SCLT1: variants seen among roughly 807,000 people sequenced by gnomAD.
The protein encoded by SCLT1 is sodium channel and clathrin linker 1, also known as sodium channel-associated protein 1.
In SCLT1, 78 loss-of-function variants were observed where a neutral mutation model predicts 112.8. The observed-to-expected ratio is 0.69, with a 90% CI of 0.58 to 0.83. The LOEUF is 0.83. Among genes scored for constraint, SCLT1 ranks in the 40% least tolerant of loss-of-function variants. SCLT1 has a pLI of 0.00. For missense variants in SCLT1, 747 were observed against 770.4 expected (o/e 0.97, Z 0.36); for synonymous variants, 257 against 254.7 (o/e 1.01, Z -0.09).
At position 128,994,073 on chromosome 4, in the gene SCLT1, T is replaced by C. The variant is rs1742802651; in HGVS notation, c.616-1836A>G. Among the ~76,000 whole-genome samples, 4 of 152,226 alleles carry C rather than the reference T, an allele frequency of 2.6e-5. No individual in the cohort carries two copies. The South Asian group carries it at 8.3e-4, about 32-fold the overall frequency. On this transcript the variant is annotated intron_variant, in intron 8 of 20. Coordinates refer to ENST00000281142, the MANE Select transcript of SCLT1 (RefSeq NM_144643.4). ...TATGCACTTTTAAAACATGTTTAAG[T>C]GTACAATACGTTATTGCTGACTACA...
rs1019360338 is a variant in SCLT1, at chr4:129,082,223, A to C, written c.102+83T>G. Reference sequence around the variant, plus strand: ...AAAAACAAGCTTTCCCATTACAGGAATCAAAGTTGTAAGCCAAGTTTCAAA... The same window carrying C: ...AAAAACAAGCTTTCCCATTACAGGACTCAAAGTTGTAAGCCAAGTTTCAAA... On this transcript the variant is annotated intron_variant, in intron 2 of 20. Transcript: ENST00000281142. 7.1e-6 allele frequency: 4 copies of C among 562,582 alleles called. No individual in the cohort carries two copies. In the African/African-American group the frequency reaches 7.7e-5, roughly 11 times the overall value. 34.8% of individuals were successfully genotyped at this position (562,582 alleles called of 1,614,324 possible). A position where few individuals can be genotyped will look rare whatever the true frequency, so the allele number is the denominator to read the frequency against.
chr4:128,903,951 T>C (rs17414831), intron 18 of SCLT1, among the ~76,000 whole-genome samples: 16,144 of 152,226 alleles, frequency 0.11, 1,182 homozygotes, highest in Non-Finnish European at 0.16. Context: ...TTCACAGTGG[T>C]ATTACAGTTG....
At chr4:129,013,181 C>T (rs1315370998) in intron 5 of SCLT1, among the ~76,000 whole-genome samples, 4 of 152,068 alleles carry the variant, frequency 2.6e-5, no homozygotes, top group Non-Finnish European at 5.9e-5. Flanking sequence ...CTGTTGTTTC[C>T]CTCTTTGTGC....
chr4:128,877,680 CAAA>C (rs1005523185), intron 3 of SCLT1, among the ~76,000 whole-genome samples: 10 of 128,058 alleles, frequency 7.8e-5, no homozygotes, highest in Non-Finnish European at 1.3e-4. Flanking sequence ...GACTCGGTCT[CAAA>C]AAAAAAAAAA....
chr4:128,905,828 A>C (rs1734648981), intron 18 of SCLT1, among the ~76,000 whole-genome samples: 1 of 151,940 alleles, frequency 6.6e-6, no homozygotes, highest in African/African-American at 2.4e-5. Context: ...TTTCTAAAAT[A>C]ATCTAGCTCT....
intron 2 of SCLT1, among the ~76,000 whole-genome samples, chr4:129,061,463 C>A (rs1749967534): frequency 6.6e-6 from 1 of 152,098 alleles, no homozygotes; most frequent in African/African-American, 2.4e-5. Flanking sequence ...GACAGGGCAG[C>A]AATTTCCCAG....
chr4:129,059,159 C>T (rs983941706), intron 2 of SCLT1, among the ~76,000 whole-genome samples: 1 of 152,084 alleles, frequency 6.6e-6, no homozygotes, highest in African/African-American at 2.4e-5. Context: ...CTCTTTCCAT[C>T]CATATGTATG....
intron 11 of SCLT1, 152 bp downstream of exon 11, chr4:128,965,075 C>T (rs1195785861): frequency 7.6e-6 from 4 of 527,862 alleles, no homozygotes; most frequent in Non-Finnish European, 1.4e-5. Flanking sequence ...TTTTAATAAA[C>T]AATGTCGATT....
At chr4:129,021,703 A>C (rs1311181383) in intron 5 of SCLT1, among the ~76,000 whole-genome samples, 1 of 152,170 alleles carries the variant, frequency 6.6e-6, no homozygotes, top group East Asian at 1.9e-4. Flanking sequence ...CATTGCCCTA[A>C]GGAAGGGGCG....
intron 9 of SCLT1, 129 bp downstream of exon 9, chr4:128,992,038 A>T (rs1236998774): frequency 1.6e-6 from 1 of 614,738 alleles, no homozygotes; most frequent in East Asian, 2.8e-5. Flanking sequence ...TCATATACAC[A>T]AGAAGATATT....
intron 6 of SCLT1, among the ~76,000 whole-genome samples, chr4:129,001,965 T>C (rs2126085768): frequency 6.6e-6 from 1 of 152,172 alleles, no homozygotes; most frequent in Non-Finnish European, 1.5e-5. Flanking sequence ...CCTCATTATT[T>C]CTTTCTTTCA....
intron 18 of SCLT1, among the ~76,000 whole-genome samples, chr4:128,918,705 C>G (rs318550): frequency 0.99 from 150,467 of 152,274 alleles, 74,367 homozygotes; most frequent in East Asian, 1. Context: ...CACATGCAAA[C>G]ATACCCGTAG....
chr4:129,012,773 T>C (rs1017327222), intron 5 of SCLT1, among the ~76,000 whole-genome samples: 2 of 139,316 alleles, frequency 1.4e-5, no homozygotes, highest in Non-Finnish European at 3.1e-5. Flanking sequence ...TTTACCATTA[T>C]GTAATGCCAT....
At chr4:128,973,719 G>C in intron 9 of SCLT1, among the ~76,000 whole-genome samples, 1 of 151,792 alleles carries the variant, frequency 6.6e-6, no homozygotes, top group East Asian at 1.9e-4. Flanking sequence ...AAAAAAAATA[G>C]GCACTGGACT....
At chr4:129,077,381 G>A (rs2125765727) in intron 2 of SCLT1, among the ~76,000 whole-genome samples, 1 of 152,212 alleles carries the variant, frequency 6.6e-6, no homozygotes, top group East Asian at 1.9e-4. Context: ...CCAATGTAAG[G>A]ACTTTAGGAC....
intron 5 of SCLT1, among the ~76,000 whole-genome samples, chr4:129,016,059 A>AT (rs1033285393): frequency 6.6e-6 from 1 of 150,930 alleles, no homozygotes; most frequent in African/African-American, 2.4e-5. Context: ...TTTCCATTGT[A>AT]TTTTTTCAGT....
intron 9 of SCLT1, among the ~76,000 whole-genome samples, chr4:128,979,141 A>G (rs1377755326): frequency 6.6e-6 from 1 of 152,186 alleles, no homozygotes; most frequent in African/African-American, 2.4e-5. Flanking sequence ...ACTGCAAGGA[A>G]GGTAATTTCA....
At chr4:128,876,343 A>G (rs1732519839) in intron 4 of SCLT1, among the ~76,000 whole-genome samples, 2 of 152,300 alleles carry the variant, frequency 1.3e-5, no homozygotes, top group East Asian at 3.9e-4. Flanking sequence ...TCTTCCTACA[A>G]GGTCTTAAAG....
intron 9 of SCLT1, among the ~76,000 whole-genome samples, chr4:128,972,523 A>G (rs2126036270): frequency 6.6e-6 from 1 of 152,152 alleles, no homozygotes; most frequent in East Asian, 1.9e-4. Context: ...ACTAACTAGT[A>G]ATATGTCTTA....
Sources: gnomAD v4.1 joint callset for allele counts (sites outside exome capture counted in the v4.1 genomes callset) on GRCh38, gnomAD v4.1.1 for gene constraint, MANE v1.5 for transcripts, NCBI Gene and HGNC (gene_info 2026-07-23, HGNC 2026-07-21) for gene names.